The following KIF6 variants were observed in gnomAD, a reference collection of about 807,000 sequenced individuals.
The protein encoded by KIF6 is kinesin family member 6.
KIF6 carries 106 observed loss-of-function variants against 112.7 expected under a neutral mutation model. That is an observed-to-expected ratio of 0.94 (90% CI 0.80 to 1.11). KIF6 has a LOEUF of 1.11. Ranked by LOEUF, KIF6 falls within the 50% of genes least tolerant of loss-of-function variation. KIF6 has a pLI of 0.00. For synonymous variants in KIF6, 339 were observed against 339.9 expected, an observed-to-expected ratio of 1.00 and a Z score of 0.03; for missense variants, 929 against 964.0, an observed-to-expected ratio of 0.96 and a Z score of 0.48.
At chr6:39,464,083 G>C (rs1035339407) in intron 13 of KIF6, among the ~76,000 whole-genome samples, 3 of 152,176 alleles carry the variant, frequency 2.0e-5, no homozygotes, top group Non-Finnish European at 4.4e-5. Context: ...ACTGGCAGGG[G>C]CCAGGATGGG....
At chr6:39,658,751 A>C (rs1785952114) in intron 3 of KIF6, among the ~76,000 whole-genome samples, 1 of 152,178 alleles carries the variant, frequency 6.6e-6, no homozygotes, top group South Asian at 2.1e-4. Context: ...ACCCAGGGGG[A>C]AAAGTTTAGA....
intron 3 of KIF6, among the ~76,000 whole-genome samples, chr6:39,640,093 G>A (rs970997632): frequency 2.0e-5 from 3 of 152,010 alleles, no homozygotes; most frequent in African/African-American, 7.2e-5. Flanking sequence ...TTGGCAAACT[G>A]TCAACCTGAC....
intron 13 of KIF6, among the ~76,000 whole-genome samples, chr6:39,432,494 T>C (rs1461074306): frequency 1.3e-5 from 2 of 152,210 alleles, no homozygotes; most frequent in African/African-American, 4.8e-5. Flanking sequence ...CTGACACCAA[T>C]TTAATGATTA....
chr6:39,469,414 C>T (rs1216397342), intron 13 of KIF6, among the ~76,000 whole-genome samples: 2 of 151,840 alleles, frequency 1.3e-5, no homozygotes, highest in Non-Finnish European at 2.9e-5. Flanking sequence ...TAACTGTATG[C>T]TATAAAAGAT....
intron 10 of KIF6, among the ~76,000 whole-genome samples, chr6:39,549,460 A>G (rs1779251566): frequency 6.6e-6 from 1 of 152,254 alleles, no homozygotes; most frequent in African/African-American, 2.4e-5. Flanking sequence ...ACTGAAGCAC[A>G]GAGATATTAC....
intron 3 of KIF6, among the ~76,000 whole-genome samples, chr6:39,667,077 T>C (rs937232841): frequency 1.3e-5 from 2 of 152,216 alleles, no homozygotes; most frequent in Non-Finnish European, 2.9e-5. Flanking sequence ...AAAGGAATGA[T>C]ACTCAGCTTC....
At chr6:39,598,346 C>A (rs1782390759) in intron 6 of KIF6, among the ~76,000 whole-genome samples, 1 of 151,962 alleles carries the variant, frequency 6.6e-6, no homozygotes. Context: ...ATCAGAACCA[C>A]ATAACTTAGA....
intron 3 of KIF6, among the ~76,000 whole-genome samples, chr6:39,645,848 T>C (rs942604018): frequency 3.3e-5 from 5 of 152,114 alleles, no homozygotes; most frequent in African/African-American, 1.2e-4. Context: ...GAAACCATCA[T>C]TCTCAGCAAA....
chr6:39,702,399 G>A (rs1040438777), intron 3 of KIF6, among the ~76,000 whole-genome samples: 7 of 152,304 alleles, frequency 4.6e-5, no homozygotes, highest in Middle Eastern at 3.4e-3. Context: ...GGCCATGGCT[G>A]CAGACGACAG....
intron 5 of KIF6, among the ~76,000 whole-genome samples, chr6:39,634,540 GA>G (rs1324015381): frequency 2.0e-5 from 3 of 152,034 alleles, no homozygotes; most frequent in Non-Finnish European, 2.9e-5. Context: ...CATGTGGCAG[GA>G]AGAAAGTAGT....
At chr6:39,481,598 A>T (rs1252571610) in intron 13 of KIF6, among the ~76,000 whole-genome samples, 2 of 152,212 alleles carry the variant, frequency 1.3e-5, no homozygotes, top group African/African-American at 4.8e-5. Context: ...ACAGATTGCC[A>T]GAAATGATTC....
Position 39,613,286 on chromosome 6 carries a change from T to A in KIF6, c.542A>T (p.Asn181Ile), listed in dbSNP as rs1783322456. 6.2e-7 allele frequency: 1 copy of A among 1,607,118 alleles called. No homozygotes were observed. Among genetic ancestry groups the A allele is most frequent in the Non-Finnish European group, 8.5e-7 (1 of 1,176,742 alleles). The change falls in exon 6 of 23, where the codon AAC (asparagine) becomes ATC (isoleucine). Residue 181 changes from asparagine (N) to isoleucine (I), a missense_variant. By Grantham distance (149) the Asn-to-Ile change is moderately radical. Coordinates refer to ENST00000287152, the MANE Select transcript of KIF6 (RefSeq NM_145027.6). ...GAGAGTCAAGTTTTTCAGGTGAATG[T>A]TCTGATCAGGATCCTCCAGTATTGT... ...KVTILEDPDQ[N>I]IHLKNLTLHQ...
intron 3 of KIF6, among the ~76,000 whole-genome samples, chr6:39,646,427 G>A (rs1785176532): frequency 6.6e-6 from 1 of 152,080 alleles, no homozygotes; most frequent in Non-Finnish European, 1.5e-5. Context: ...AGGTATTTCT[G>A]AAAAACAGTT....
At chr6:39,548,989 C>G (rs1308939213) in intron 10 of KIF6, among the ~76,000 whole-genome samples, 1 of 152,182 alleles carries the variant, frequency 6.6e-6, no homozygotes, top group Non-Finnish European at 1.5e-5. Context: ...TTTAGTGTGT[C>G]TGAACACATG....
intron 16 of KIF6, among the ~76,000 whole-genome samples, chr6:39,375,289 CA>C (rs1170792299): frequency 5.7e-4 from 87 of 152,192 alleles, no homozygotes; most frequent in African/African-American, 2.0e-3. Context: ...TATTGCACAG[CA>C]GTGTGAACAC....
chr6:39,651,112 G>A (rs1785443871), intron 3 of KIF6, among the ~76,000 whole-genome samples: 1 of 152,050 alleles, frequency 6.6e-6, no homozygotes, highest in Non-Finnish European at 1.5e-5. Flanking sequence ...TGTGTTTGGA[G>A]AGATAGAAAG....
At chr6:39,442,513 C>T (rs1184555622) in intron 13 of KIF6, among the ~76,000 whole-genome samples, 1 of 152,178 alleles carries the variant, frequency 6.6e-6, no homozygotes, top group Admixed American at 6.5e-5. Flanking sequence ...GGAAAGCCGC[C>T]TGGGTCATGG....
rs769081370 is a variant in KIF6 at position 39,360,482 on chromosome 6, C to A, written c.1995G>T (p.Glu665Asp). 6.7e-5 allele frequency: 108 copies of A among 1,614,122 alleles called. No homozygotes were observed. The highest frequency in any genetic ancestry group is 9.0e-5 in the Non-Finnish European group (106 of 1,180,050). ...CTTTGTCCATGAGCAGCTGCAAGTG[C>A]TCGATCTCCACCTTCAGGGCTTTCA... The part of the protein sequence containing the change: ...TRLKALKVEI[E>D]HLQLLMDKAK... The change falls in exon 18 of 23, where the codon GAG (glutamate) becomes GAT (aspartate). Residue 665 changes from glutamate (E) to aspartate (D), a missense_variant. By Grantham distance (45) the Glu-to-Asp change is conservative. Coordinates refer to ENST00000287152, the MANE Select transcript of KIF6 (RefSeq NM_145027.6).
chr6:39,529,233 T>G (rs1041633332), intron 13 of KIF6, among the ~76,000 whole-genome samples: 1 of 152,156 alleles, frequency 6.6e-6, no homozygotes, highest in Non-Finnish European at 1.5e-5. Context: ...AAAAACTACA[T>G]GACACTGATC....
Sources: allele counts gnomAD v4.1 joint callset (sites outside exome capture counted in the v4.1 genomes callset), GRCh38; gene constraint gnomAD v4.1.1; transcripts MANE v1.5; gene names NCBI Gene and HGNC (gene_info 2026-07-23, HGNC 2026-07-21).